ENPP6: variants seen among roughly 807,000 people sequenced by gnomAD.
ENPP6 encodes glycerophosphocholine cholinephosphodiesterase ENPP6.
In ENPP6, 32 loss-of-function variants were observed where a neutral mutation model predicts 42.0. That is an observed-to-expected ratio of 0.76 (90% confidence interval 0.58 to 1.02). ENPP6 has a LOEUF of 1.02. Among genes scored for constraint, ENPP6 ranks in the 50% least tolerant of loss-of-function variants. The pLI is 0.00. For missense variants in ENPP6, 552 were observed against 566.8 expected, an observed-to-expected ratio of 0.97 and a Z score of 0.27; for synonymous variants, 213 against 216.0, an observed-to-expected ratio of 0.99 and a Z score of 0.12.
intron 6 of ENPP6, chr4:184,112,463 TA>T: frequency 1.7e-6 from 1 of 583,132 alleles, no homozygotes; most frequent in Non-Finnish European, 2.9e-6. Context: ...CCACGAAGTC[TA>T]AACCATGACT....
intron 6 of ENPP6, among the ~76,000 whole-genome samples, chr4:184,098,362 T>C (rs1735946329): frequency 1.3e-5 from 2 of 152,324 alleles, no homozygotes; most frequent in South Asian, 4.1e-4. Flanking sequence ...GGATATCCAG[T>C]TGATGGAGAA....
At chr4:184,114,929 G>T (rs1005169838) in intron 5 of ENPP6, among the ~76,000 whole-genome samples, 1 of 152,156 alleles carries the variant, frequency 6.6e-6, no homozygotes, top group African/African-American at 2.4e-5. Flanking sequence ...GAGAACAAAG[G>T]ACTGTCCCCC....
At position 184,187,393 on chromosome 4, in the gene ENPP6, G is replaced by A. The variant is rs143676513; in HGVS notation, c.241+30186C>T. ...CTGCAGCAGATCTGGGCAGTACTGCGTGAAGGCCACCACACCACTGCACAC... is the reference window on the plus strand; with the variant it reads ...CTGCAGCAGATCTGGGCAGTACTGCATGAAGGCCACCACACCACTGCACAC... On this transcript the variant is annotated intron_variant, in intron 1 of 7. Transcript: ENST00000296741. 9.2e-4 allele frequency among the ~76,000 whole-genome samples: 140 copies of A among 152,316 alleles called. 1 individual carries two copies. The highest frequency in any genetic ancestry group is 2.7e-3 in the African/African-American group (114 of 41,578).
intron 1 of ENPP6, among the ~76,000 whole-genome samples, chr4:184,199,957 A>G (rs771999657): frequency 3.3e-5 from 5 of 152,172 alleles, no homozygotes; most frequent in Non-Finnish European, 5.9e-5. Flanking sequence ...TAATGTCTCA[A>G]AATGGAGTCA....
chr4:184,126,812 C>A (rs1425376941), intron 2 of ENPP6, among the ~76,000 whole-genome samples: 1 of 152,308 alleles, frequency 6.6e-6, no homozygotes, highest in Admixed American at 6.5e-5. Flanking sequence ...AGCGCAGACC[C>A]AGCTCAGCTA....
In ENPP6 at chr4:184,097,381, A is replaced by G. The variant is rs1379312024; in HGVS notation, c.994-13T>C. 5 of 1,613,880 alleles carry G rather than the reference A, an allele frequency of 3.1e-6. No individual in the cohort carries two copies. Among genetic ancestry groups the G allele is most frequent in the Non-Finnish European group, 4.2e-6 (5 of 1,179,928 alleles). On this transcript the variant is annotated splice_polypyrimidine_tract_variant and intron_variant, in intron 6 of 7. Transcript: ENST00000296741. Reference sequence around the variant, plus strand: ...GCATCTCTCGATTCTGAAACCAAGCAAGGCAGACACATGACACTACGTCCT... The same window carrying G: ...GCATCTCTCGATTCTGAAACCAAGCGAGGCAGACACATGACACTACGTCCT...
chr4:184,207,787 T>C lies in ENPP6; in HGVS notation c.241+9792A>G, dbSNP rs537872288. Among the ~76,000 whole-genome samples, 83 of 152,324 alleles carry C rather than the reference T, an allele frequency of 5.4e-4. No individual in the cohort carries two copies. In the East Asian group the frequency reaches 0.011, roughly 21 times the overall value. ...TATTCATTCGCTTGGGCTGCCATTA[T>C]AAAGTACCACAGATGGAGTGGCTCC... On this transcript the variant is annotated intron_variant, in intron 1 of 7. Coordinates refer to ENST00000296741, the MANE Select transcript of ENPP6 (RefSeq NM_153343.4).
intron 6 of ENPP6, among the ~76,000 whole-genome samples, chr4:184,097,919 C>T (rs1560976844): frequency 6.6e-6 from 1 of 152,042 alleles, no homozygotes; most frequent in African/African-American, 2.4e-5. Flanking sequence ...GAGCTGGAGA[C>T]TTGAGTCCAA....
At chr4:184,135,616 G>A (rs1736719108) in intron 2 of ENPP6, among the ~76,000 whole-genome samples, 1 of 152,092 alleles carries the variant, frequency 6.6e-6, no homozygotes, top group Non-Finnish European at 1.5e-5. Flanking sequence ...TTAGTTTTTG[G>A]TTTTATCCAG....
rs571750390 is a variant in ENPP6 at position 184,169,658 on chromosome 4, T to C, written c.242-15925A>G. 2.6e-5 allele frequency among the ~76,000 whole-genome samples: 4 copies of C among 152,320 alleles called. No individual in the cohort carries two copies. In the South Asian group the frequency reaches 8.3e-4, roughly 32 times the overall value. ...GTGGAGGGCACCAGTTGAGAGCCAC[T>C]ATAGATGAAGGCTCTAGGCCGCAGT... On this transcript the variant is annotated intron_variant, in intron 1 of 7. Transcript: ENST00000296741.
At chr4:184,154,770 C>A (rs1427958867) in intron 1 of ENPP6, among the ~76,000 whole-genome samples, 1 of 152,106 alleles carries the variant, frequency 6.6e-6, no homozygotes, top group Admixed American at 6.5e-5. Flanking sequence ...ATGGTTTTCA[C>A]CCAAAGCTGT....
At chr4:184,158,799 C>A (rs2111082407) in intron 1 of ENPP6, among the ~76,000 whole-genome samples, 1 of 152,298 alleles carries the variant, frequency 6.6e-6, no homozygotes, top group South Asian at 2.1e-4. Context: ...GTCACTTCCT[C>A]TGGGACAACT....
At chr4:184,183,164 C>T (rs570898310) in intron 1 of ENPP6, among the ~76,000 whole-genome samples, 7 of 152,186 alleles carry the variant, frequency 4.6e-5, no homozygotes, top group Admixed American at 2.6e-4. Flanking sequence ...ATGTGCATGC[C>T]GTATTTGTAT....
At chr4:184,104,696 G>A (rs985186922) in intron 6 of ENPP6, among the ~76,000 whole-genome samples, 9 of 152,146 alleles carry the variant, frequency 5.9e-5, no homozygotes, top group Non-Finnish European at 8.8e-5. Context: ...CTGTTTACTT[G>A]GTGACTGGTT....
chr4:184,188,442 T>A (rs917236919), intron 1 of ENPP6, among the ~76,000 whole-genome samples: 4 of 152,132 alleles, frequency 2.6e-5, no homozygotes, highest in African/African-American at 9.7e-5. Context: ...TCCCCCCAAA[T>A]TGACGATCTG....
At chr4:184,177,924 A>G (rs1218557601) in intron 1 of ENPP6, among the ~76,000 whole-genome samples, 2 of 151,808 alleles carry the variant, frequency 1.3e-5, no homozygotes, top group African/African-American at 2.4e-5. Flanking sequence ...AGAAAGAATC[A>G]ATGAAAAAAC....
In ENPP6 at chr4:184,195,023, T is replaced by TA. The variant is rs869171180; in HGVS notation, c.241+22555_241+22556insT. 1.9e-3 allele frequency among the ~76,000 whole-genome samples: 9 copies of TA among 4,842 alleles called. No homozygotes were observed. In the East Asian group the frequency reaches 0.32, roughly 173 times the overall value. The allele number at this position is 4,842 out of a possible 152,430, so 3.2% of individuals were successfully genotyped here. On this transcript the variant is annotated intron_variant, in intron 1 of 7. Transcript: ENST00000296741. ...CAGTGGCTTGGGAGTCAGAGTCAGA[T>TA]TTTTTTTATCATGGTAAAATATACG...
At chr4:184,160,809 T>C (rs1481365634) in intron 1 of ENPP6, among the ~76,000 whole-genome samples, 1 of 152,090 alleles carries the variant, frequency 6.6e-6, no homozygotes, top group East Asian at 1.9e-4. Context: ...ACCTCCATAC[T>C]CCTGCTTCCA....
intron 1 of ENPP6, among the ~76,000 whole-genome samples, chr4:184,157,554 T>C (rs542374577): frequency 6.7e-6 from 1 of 149,064 alleles, no homozygotes; most frequent in Non-Finnish European, 1.5e-5. Flanking sequence ...CTTTCCTTTC[T>C]CTCTTTCTTT....
Sources: gnomAD v4.1 joint callset for allele counts (sites outside exome capture counted in the v4.1 genomes callset) on GRCh38, gnomAD v4.1.1 for gene constraint, MANE v1.5 for transcripts, NCBI Gene and HGNC (gene_info 2026-07-23, HGNC 2026-07-21) for gene names.